FCRLB: variants seen among roughly 807,000 people sequenced by gnomAD.
FCRLB encodes Fc receptor like B, also known as Fc receptor-like B.
FCRLB carries 34 observed loss-of-function variants against 33.6 expected under a neutral mutation model. The ratio of observed to expected loss-of-function variants is 1.01; its 90% CI spans 0.77 to 1.35. The LOEUF (loss-of-function observed/expected upper bound fraction) is 1.35, where lower values mean the gene tolerates loss of function less well. FCRLB is among the 40% of genes most tolerant of loss of function. The pLI, the probability that FCRLB is intolerant of heterozygous loss-of-function variation, is 0.00. For synonymous variants in FCRLB, 280 were observed against 255.9 expected (o/e 1.09, Z -0.90); for missense variants, 560 against 580.2 (o/e 0.97, Z 0.36).
Position 161,726,516 on chromosome 1 carries a change from C to T in FCRLB, c.575-187C>T, listed in dbSNP as rs1406739210. The T allele has an allele frequency of 1.2e-6, 1 of 842,838 alleles. No individual in the cohort carries two copies. Among genetic ancestry groups the T allele is most frequent in the Non-Finnish European group, 1.9e-6 (1 of 514,028 alleles). 52.2% of individuals were successfully genotyped at this position (842,838 alleles called of 1,614,324 possible). A position where few individuals can be genotyped will look rare whatever the true frequency, so the allele number is the denominator to read the frequency against. ...CTCTTCCTTTCAAGCTTTCCCCGTC[C>T]CTCGTGGACTCGGTCCCCCTGCCCC... On this transcript the variant is annotated intron_variant, in intron 6 of 7. Transcript: ENST00000367948. This position sits in a 1 kb window ranked among gnomAD's most constrained non-coding sequence, Gnocchi z 5.2.
At chr1:161,724,369 C>A (rs1022376751) in intron 5 of FCRLB, among the ~76,000 whole-genome samples, 14 of 147,264 alleles carry the variant, frequency 9.5e-5, no homozygotes, top group Non-Finnish European at 1.9e-4. Flanking sequence ...GCGGGCAGAT[C>A]ACCTGAGGTC....
intron 7 of FCRLB, 40 bp from the exon 8 acceptor site, chr1:161,727,207 C>A (rs746731886): frequency 1.2e-5 from 17 of 1,462,850 alleles, no homozygotes; most frequent in Non-Finnish European, 1.5e-5. Flanking sequence ...CCGAGAAGAA[C>A]CATGCAAGCC....
chr1:161,726,892 C>G lies in FCRLB; in HGVS notation c.764C>G (p.Pro255Arg). The G allele has an allele frequency of 6.3e-7, 1 of 1,586,862 alleles. No homozygotes were observed. Among genetic ancestry groups the G allele is most frequent in the Non-Finnish European group, 8.6e-7 (1 of 1,166,014 alleles). Residue 255 changes from proline to arginine, a missense_variant, in exon 7 of 8, where the codon CCG (proline) becomes CGG (arginine). Transcript: ENST00000367948. This position sits in a 1 kb window ranked among gnomAD's most constrained non-coding sequence, Gnocchi z 5.2. ...GACTGGGGCGCCGAGTACACAGTCC[C>G]GGAGCCCGAGGTCGAGGAGCTCGAA...
intron 4 of FCRLB, 96 bp from the exon 5 acceptor site, chr1:161,723,271 G>A: frequency 1.3e-6 from 2 of 1,485,322 alleles, no homozygotes; most frequent in Non-Finnish European, 1.8e-6. Flanking sequence ...GCGAGCTGGG[G>A]TTTCCTAAGA....
exon 8 of FCRLB, chr1:161,727,340 C>G (rs1238672805): frequency 2.5e-6 from 4 of 1,613,714 alleles, no homozygotes; most frequent in Non-Finnish European, 3.4e-6. Context: ...AGAAAGCCCC[C>G]GGTGTCCAGA....
rs1054878924 is a variant in FCRLB, at chr1:161,726,539, C to T, written c.575-164C>T. 3.9e-6 allele frequency: 4 copies of T among 1,018,352 alleles called. No homozygotes were observed. In the African/African-American group the frequency reaches 6.4e-5, roughly 16 times the overall value. 63.1% of individuals were successfully genotyped at this position (1,018,352 alleles called of 1,614,324 possible). The stretch of plus-strand genomic sequence containing the variant: ...TCCCTCGTGGACTCGGTCCCCCTGC[C>T]CCACATTTCAGAAGGCTCCCCTTCC... On this transcript the variant is annotated intron_variant, in intron 6 of 7. Transcript: ENST00000367948. This position sits in a 1 kb window ranked among gnomAD's most constrained non-coding sequence, Gnocchi z 5.2.
chr1:161,726,562 T>TC lies in FCRLB; in HGVS notation c.575-136dup. 1 of 1,196,616 alleles carries TC rather than the reference T, an allele frequency of 8.4e-7. No individual in the cohort carries two copies. Among genetic ancestry groups the TC allele is most frequent in the Non-Finnish European group, 1.2e-6 (1 of 837,866 alleles). The allele number at this position is 1,196,616 out of a possible 1,614,324, so 74.1% of individuals were successfully genotyped here. A position where few individuals can be genotyped will look rare whatever the true frequency, so the allele number is the denominator to read the frequency against. ...GCCCCACATTTCAGAAGGCTCCCCT[T>TC]CCCCCTCCACGTGGACACACGGCCT... On this transcript the variant is annotated intron_variant, in intron 6 of 7. Transcript: ENST00000367948. The surrounding 1 kb of genome is among the most constrained non-coding windows in gnomAD (Gnocchi z 5.2).
At chr1:161,727,858 C>A (rs1420257496) in exon 8 of FCRLB, 1 of 624,254 alleles carries the variant, frequency 1.6e-6, no homozygotes, top group Non-Finnish European at 2.7e-6. Context: ...TCTTTGAATT[C>A]TCACAGAATT....
At chr1:161,724,617 T>G (rs1392614268) in intron 5 of FCRLB, among the ~76,000 whole-genome samples, 3 of 152,134 alleles carry the variant, frequency 2.0e-5, no homozygotes, top group Non-Finnish European at 4.4e-5. Context: ...AGATTAGCAC[T>G]TACACACACT....
Position 161,726,613 on chromosome 1 carries a change from G to A in FCRLB, c.575-90G>A. ...CCTCCCCTCCCCCCTTGGTCTGTGGGTCTGCAAGGAGCCCTCGCGGGAAGC... is the reference window on the plus strand; with the variant it reads ...CCTCCCCTCCCCCCTTGGTCTGTGGATCTGCAAGGAGCCCTCGCGGGAAGC... On this transcript the variant is annotated intron_variant, in intron 6 of 7. Coordinates refer to ENST00000367948, the Ensembl canonical transcript of FCRLB. This position sits in a 1 kb window ranked among gnomAD's most constrained non-coding sequence, Gnocchi z 5.2. 1 of 1,515,968 alleles carries A rather than the reference G, an allele frequency of 6.6e-7. No homozygotes were observed. Among genetic ancestry groups the A allele is most frequent in the Non-Finnish European group, 8.9e-7 (1 of 1,128,552 alleles). 93.9% of individuals were successfully genotyped at this position (1,515,968 alleles called of 1,614,324 possible). A position where few individuals can be genotyped will look rare whatever the true frequency, so the allele number is the denominator to read the frequency against.
At position 161,723,634 on chromosome 1, in the gene FCRLB, A is replaced by T. The variant is rs369117765; in HGVS notation, c.307+13A>T. ...TCTGTATCCAATGGTGAGTGGACTG[A>T]GCACGAGGGGAGGGGGAGCACGTGT... On this transcript the variant is annotated intron_variant, in intron 5 of 7. Coordinates refer to ENST00000367948, the Ensembl canonical transcript of FCRLB. The T allele has an allele frequency of 1.4e-5, 22 of 1,609,804 alleles. No individual in the cohort carries two copies. Among genetic ancestry groups the T allele is most frequent in the Admixed American group, 3.3e-5 (2 of 59,892 alleles).
chr1:161,724,767 A>G (rs1571080890), intron 5 of FCRLB, among the ~76,000 whole-genome samples: 1 of 152,282 alleles, frequency 6.6e-6, no homozygotes, highest in East Asian at 1.9e-4. Flanking sequence ...TTCTTTCTCA[A>G]TGTACAACAC....
In FCRLB at chr1:161,726,459, C is replaced by A. The variant is rs1368937555; in HGVS notation, c.575-244C>A. ...TGCAGAACCCGAGCTGAGTGTCAGT[C>A]GGGATGTGACATGAAGCGTCTGGCC... On this transcript the variant is annotated intron_variant, in intron 6 of 7. Transcript: ENST00000367948. This position sits in a 1 kb window ranked among gnomAD's most constrained non-coding sequence, Gnocchi z 5.2. 3.3e-5 allele frequency: 24 copies of A among 730,108 alleles called. No individual in the cohort carries two copies. The East Asian group carries it at 6.4e-4, about 20-fold the overall frequency. 45.2% of individuals were successfully genotyped at this position (730,108 alleles called of 1,614,324 possible).
chr1:161,726,354 C>T lies in FCRLB; in HGVS notation c.574+267C>T, dbSNP rs1306311814. ...ACAGAGAGGGCAGCTCTGGCAGGGG[C>T]AGGGGCCACTGTGGGACTGGGACGA... On this transcript the variant is annotated intron_variant, in intron 6 of 7. Transcript: ENST00000367948. The surrounding 1 kb of genome is among the most constrained non-coding windows in gnomAD (Gnocchi z 5.2). 1.4e-6 allele frequency: 1 copy of T among 740,590 alleles called. No individual in the cohort carries two copies. Among genetic ancestry groups the T allele is most frequent in the Non-Finnish European group, 2.4e-6 (1 of 422,222 alleles). 45.9% of individuals were successfully genotyped at this position (740,590 alleles called of 1,614,324 possible). A position where few individuals can be genotyped will look rare whatever the true frequency, so the allele number is the denominator to read the frequency against.
intron 5 of FCRLB, among the ~76,000 whole-genome samples, chr1:161,724,466 G>T (rs919457254): frequency 3.6e-4 from 55 of 151,708 alleles, no homozygotes; most frequent in Non-Finnish European, 3.4e-4. Context: ...GCATGATAGC[G>T]GGTGCCTGTA....
intron 5 of FCRLB, among the ~76,000 whole-genome samples, 176 bp from the exon 6 acceptor site, chr1:161,725,645 A>C (rs1274174388): frequency 6.6e-6 from 1 of 152,222 alleles, no homozygotes; most frequent in African/African-American, 2.4e-5. Context: ...CATGTCTCAA[A>C]AAAAGAAAAA....
intron 7 of FCRLB, 72 bp from the exon 8 acceptor site, chr1:161,727,175 A>AACCCCCCCCC: frequency 1.4e-6 from 2 of 1,419,906 alleles, no homozygotes; most frequent in Non-Finnish European, 9.3e-7. Flanking sequence ...CCACCGCCCT[A>AACCCCCCCCC]CGCCCCTCCC....
Position 161,723,629 on chromosome 1 carries a change from G to C in FCRLB, c.307+8G>C. ...ACCTCTCTGTATCCAATGGTGAGTG[G>C]ACTGAGCACGAGGGGAGGGGGAGCA... On this transcript the variant is annotated splice_region_variant and intron_variant, in intron 5 of 7. Transcript: ENST00000367948. 6.2e-7 allele frequency: 1 copy of C among 1,612,028 alleles called. No homozygotes were observed. Among genetic ancestry groups the C allele is most frequent in the Admixed American group, 1.7e-5 (1 of 59,970 alleles).
Position 161,727,234 on chromosome 1 carries a change from A to G in FCRLB, c.866-13A>G. 1 of 1,581,562 alleles carries G rather than the reference A, an allele frequency of 6.3e-7. No homozygotes were observed. Among genetic ancestry groups the G allele is most frequent in the Non-Finnish European group, 8.6e-7 (1 of 1,161,144 alleles). On this transcript the variant is annotated splice_polypyrimidine_tract_variant and intron_variant, in intron 7 of 7. Coordinates refer to ENST00000367948, the Ensembl canonical transcript of FCRLB. ...ATGCAAGCCGCGCGTGACTGGGCGT[A>G]ATGCATTCACAGGTTCTCCCCTGGA...
Sources: gnomAD v4.1 joint callset for allele counts (sites outside exome capture counted in the v4.1 genomes callset) on GRCh38, gnomAD v4.1.1 for gene constraint, Gnocchi (gnomAD v3.1) non-coding constraint, MANE v1.5 for transcripts, NCBI Gene and HGNC (gene_info 2026-07-23, HGNC 2026-07-21) for gene names.